Variants in NR4A1 observed in about 807,000 individuals in gnomAD.
NR4A1 encodes nuclear receptor subfamily 4 group A member 1.
In NR4A1, 24 loss-of-function variants were observed where a neutral mutation model predicts 47.5. That is an observed-to-expected ratio of 0.50 (90% confidence interval 0.37 to 0.71). The LOEUF is 0.71. Among genes scored for constraint, NR4A1 ranks in the 30% least tolerant of loss-of-function variants. The pLI, the probability that NR4A1 is intolerant of heterozygous loss-of-function variation, is 0.00. For missense variants in NR4A1, 669 were observed against 788.6 expected (o/e 0.85, Z 1.82); for synonymous variants, 353 against 345.7 (o/e 1.02, Z -0.24).
chr12:52,054,413 G>A lies in NR4A1; in HGVS notation c.85G>A (p.Glu29Lys). The change falls in exon 2 of 7, where the codon GAG becomes AAG. Residue 29 changes from glutamate (E) to lysine (K), a missense_variant. Physicochemically the swap from Glu to Lys is moderately conservative, Grantham distance 56. Transcript: ENST00000394825. ...DHLASDPLTPEFIKPTMDLAS... is the reference protein window; with the variant it reads ...DHLASDPLTPKFIKPTMDLAS... Reference sequence around the variant, plus strand: ...CCTGGCAAGCGACCCCCTGACCCCTGAGTTCATCAAGCCCACCATGGACCT... The same window carrying A: ...CCTGGCAAGCGACCCCCTGACCCCTAAGTTCATCAAGCCCACCATGGACCT... 6.2e-7 allele frequency: 1 copy of A among 1,613,570 alleles called. No individual in the cohort carries two copies. The highest frequency in any genetic ancestry group is 8.5e-7 in the Non-Finnish European group (1 of 1,179,962).
chr12:52,025,974 T>C (rs1275720765), intron 1 of NR4A1, among the ~76,000 whole-genome samples: 1 of 152,256 alleles, frequency 6.6e-6, no homozygotes, highest in Non-Finnish European at 1.5e-5. Context: ...CCTGCGCTAA[T>C]CTGCCCTGGC....
Position 52,051,522 on chromosome 12 carries a change from T to C in NR4A1, c.-49T>C, listed in dbSNP as rs1938942780. On this transcript the variant is annotated 5_prime_UTR_variant, in exon 1 of 7. Transcript: ENST00000394825. ...GCGCACGCGGGACCAGGGACCAGGC[T>C]GAGACTCGGGGCGCCAGTCCGGGCA... 2 of 985,834 alleles carry C rather than the reference T, an allele frequency of 2.0e-6. No homozygotes were observed. Among genetic ancestry groups the C allele is most frequent in the South Asian group, 4.7e-5 (1 of 21,292 alleles). 61.1% of individuals were successfully genotyped at this position (985,834 alleles called of 1,614,324 possible). A position where few individuals can be genotyped will look rare whatever the true frequency, so the allele number is the denominator to read the frequency against.
In NR4A1 at chr12:52,056,545, C is replaced by A. The variant is rs756044880; in HGVS notation, c.1058C>A (p.Pro353His). 1.9e-6 allele frequency: 3 copies of A among 1,613,710 alleles called. No individual in the cohort carries two copies. The Admixed American group carries it at 5.0e-5, about 27-fold the overall frequency. Reference sequence around the variant, plus strand: ...CGGCGGGGCCGGCTACCTTCAAAACCCAAGCAGCCCCCAGATGCCTCCCCT... The same window carrying A: ...CGGCGGGGCCGGCTACCTTCAAAACACAAGCAGCCCCCAGATGCCTCCCCT... Reference protein sequence around the residue: ...KGRRGRLPSKPKQPPDASPAN... With the variant: ...KGRRGRLPSKHKQPPDASPAN... The change falls in exon 4 of 7, where the codon CCC (proline) becomes CAC (histidine). Residue 353 changes from proline (P) to histidine (H), a missense_variant. Pro to His is a moderately conservative substitution (Grantham distance 77, BLOSUM62 -2). Coordinates refer to ENST00000394825, the MANE Select transcript of NR4A1 (RefSeq NM_173157.3).
intron 1 of NR4A1, among the ~76,000 whole-genome samples, chr12:52,041,251 A>C (rs1392631244): frequency 1.3e-5 from 2 of 152,086 alleles, no homozygotes; most frequent in African/African-American, 2.4e-5. Flanking sequence ...ATTTTTACAG[A>C]TGAGGAGCAT....
rs201357158 is a variant in NR4A1 at position 52,028,962 on chromosome 12, T to TTAA, written c.-84+6025_-84+6027dup. ...AAAATTCAACTTCTCCCTAAAAATA[T>TTAA]TAATGCTTTAAGTGAAATTATCTCT... On this transcript the variant is annotated intron_variant, in intron 1 of 7. Coordinates refer to the NR4A1 transcript ENST00000360284. Among the ~76,000 whole-genome samples, 301 of 152,234 alleles carry TTAA rather than the reference T, an allele frequency of 2.0e-3. 4 individuals carry two copies. The East Asian group carries it at 0.037, about 19-fold the overall frequency.
At chr12:52,052,416 G>T in intron 1 of NR4A1, 1 of 926,654 alleles carries the variant, frequency 1.1e-6, no homozygotes, top group Non-Finnish European at 1.3e-6. Context: ...CTGCCTAGAG[G>T]ATACCTCCCA....
rs181098187 is a variant in NR4A1, at chr12:52,037,737, C to G, written c.-83-4073C>G. ...CCATTTCTCCGCCGGCTGCGGGAAC[C>G]GGTTCCAGGAGCGCGGGAGCTCGTC... On this transcript the variant is annotated intron_variant, in intron 1 of 7. Coordinates refer to the NR4A1 transcript ENST00000360284. The G allele has an allele frequency of 6.1e-6, 6 of 985,334 alleles. No homozygotes were observed. The African/African-American group carries it at 1.0e-4, about 17-fold the overall frequency. The allele number at this position is 985,334 out of a possible 1,614,324, so 61.0% of individuals were successfully genotyped here. A position where few individuals can be genotyped will look rare whatever the true frequency, so the allele number is the denominator to read the frequency against.
Position 52,035,876 on chromosome 12 carries a change from C to T in NR4A1, c.-83-5934C>T, listed in dbSNP as rs116654186. ...AGGGCTGAGTGGAGGTGTGGGGCCT[C>T]TTTTGGAGAATTTTGAGCACAGAAG... On this transcript the variant is annotated intron_variant, in intron 1 of 7. Transcript: ENST00000360284. 3.9e-3 allele frequency among the ~76,000 whole-genome samples: 598 copies of T among 152,148 alleles called. 3 individuals carry two copies. The highest frequency in any genetic ancestry group is 0.014 in the African/African-American group (579 of 41,508).
Position 52,051,498 on chromosome 12 carries a change from C to A in NR4A1, c.-73C>A. 1 of 985,646 alleles carries A rather than the reference C, an allele frequency of 1.0e-6. No homozygotes were observed. Among genetic ancestry groups the A allele is most frequent in the Non-Finnish European group, 1.2e-6 (1 of 830,086 alleles). 61.1% of individuals were successfully genotyped at this position (985,646 alleles called of 1,614,324 possible). On this transcript the variant is annotated 5_prime_UTR_variant, in exon 1 of 7. Transcript: ENST00000394825. ...GGAGTGCACAGAAGAACTTCGGGAG[C>A]GCACGCGGGACCAGGGACCAGGCTG...
At position 52,054,538 on chromosome 12, in the gene NR4A1, G is replaced by C. The variant is rs762629889; in HGVS notation, c.210G>C (p.Gln70His). 3 of 1,614,022 alleles carry C rather than the reference G, an allele frequency of 1.9e-6. No homozygotes were observed. Among genetic ancestry groups the C allele is most frequent in the Non-Finnish European group, 2.5e-6 (3 of 1,179,952 alleles). ...GAGAGTTTGACACCTTCCTCTACCAGCTGCCAGGAACAGTCCAGCCATGCT... is the reference window on the plus strand; with the variant it reads ...GAGAGTTTGACACCTTCCTCTACCACCTGCCAGGAACAGTCCAGCCATGCT... ...YTGEFDTFLY[Q>H]LPGTVQPCSS... Residue 70 changes from glutamine to histidine, a missense_variant, in exon 2 of 7, where the codon CAG (glutamine) becomes CAC (histidine). Physicochemically the swap from Gln to His is conservative, Grantham distance 24. Transcript: ENST00000394825.
exon 2 of NR4A1, chr12:52,041,910 C>A: frequency 6.7e-7 from 1 of 1,498,744 alleles, no homozygotes. Flanking sequence ...TGGCCAAGGC[C>A]TGTTGGTCCA....
At position 52,038,050 on chromosome 12, in the gene NR4A1, TC is replaced by T. The variant is rs1318802015; in HGVS notation, c.-83-3753del. The stretch of plus-strand genomic sequence containing the variant: ...GGCACAGTTCCTTGACTTGGCTCAT[TC>T]CCCCCCAACGCCCCCCCTTTCTTTT... On this transcript the variant is annotated intron_variant, in intron 1 of 7. Transcript: ENST00000360284. 6 of 979,104 alleles carry T rather than the reference TC, an allele frequency of 6.1e-6. No homozygotes were observed. In the African/African-American group the frequency reaches 8.9e-5, roughly 15 times the overall value. The allele number at this position is 979,104 out of a possible 1,614,324, so 60.7% of individuals were successfully genotyped here. A position where few individuals can be genotyped will look rare whatever the true frequency, so the allele number is the denominator to read the frequency against.
chr12:52,028,481 G>T (rs1332122804), intron 1 of NR4A1, among the ~76,000 whole-genome samples: 1 of 152,032 alleles, frequency 6.6e-6, no homozygotes, highest in Non-Finnish European at 1.5e-5. Context: ...GGCTGAGGCA[G>T]GAGACTTGCT....
chr12:52,026,762 A>G lies in NR4A1; in HGVS notation c.-84+3823A>G, dbSNP rs115613034. On this transcript the variant is annotated intron_variant, in intron 1 of 7. Coordinates refer to the NR4A1 transcript ENST00000360284. ...ATGTACAAAGCCCGCCTAAAGCCAC[A>G]CTGGGAATATGTGTATTTGAGCCCA... 1.7e-3 allele frequency among the ~76,000 whole-genome samples: 265 copies of G among 152,294 alleles called. 1 individual carries two copies. The highest frequency in any genetic ancestry group is 6.2e-3 in the African/African-American group (257 of 41,556).
intron 2 of NR4A1, chr12:52,055,411 A>G (rs1320506574): frequency 7.7e-6 from 5 of 652,788 alleles, no homozygotes; most frequent in Admixed American, 5.6e-5. Context: ...ACTCGGGCCC[A>G]TGGGATTGCA....
chr12:52,047,239 T>C (rs1299664716), upstream of NR4A1, among the ~76,000 whole-genome samples: 1 of 152,210 alleles, frequency 6.6e-6, no homozygotes, highest in Non-Finnish European at 1.5e-5. Flanking sequence ...GGGTGTGTGC[T>C]GGGAGTCTGT....
upstream of NR4A1, among the ~76,000 whole-genome samples, chr12:52,048,725 T>C (rs1290024955): frequency 6.6e-6 from 1 of 152,198 alleles, no homozygotes; most frequent in Non-Finnish European, 1.5e-5. Context: ...CCAGCAAGAC[T>C]TGCTGTGTGC....
At chr12:52,051,084 C>G (rs1230781818), upstream of NR4A1, among the ~76,000 whole-genome samples, 1 of 152,232 alleles carries the variant, frequency 6.6e-6, no homozygotes, top group Non-Finnish European at 1.5e-5. Context: ...TATTCTGGAC[C>G]TGGGGGCCCC....
chr12:52,050,965 C>G (rs1201622161), upstream of NR4A1, among the ~76,000 whole-genome samples: 2 of 151,906 alleles, frequency 1.3e-5, no homozygotes, highest in African/African-American at 4.8e-5. Context: ...AGGGACCGGG[C>G]GCGGTTGGCT....
Sources: gnomAD v4.1 joint callset for allele counts (sites outside exome capture counted in the v4.1 genomes callset) on GRCh38, gnomAD v4.1.1 for gene constraint, MANE v1.5 for transcripts, NCBI Gene and HGNC (gene_info 2026-07-23, HGNC 2026-07-21) for gene names.